The following PTPRD variants were observed in gnomAD, a reference collection of about 807,000 sequenced individuals.
The protein encoded by PTPRD is receptor-type tyrosine-protein phosphatase delta.
Under a neutral mutation model 214.5 loss-of-function variants are expected in PTPRD, and 34 were observed. The observed-to-expected ratio is 0.16, with a 90% confidence interval of 0.12 to 0.21. The LOEUF is 0.21. PTPRD is among the 10% of genes least tolerant of loss of function. The pLI is 1.00. For missense variants in PTPRD, 2,545 were observed against 2,398.7 expected, an observed-to-expected ratio of 1.06 and a Z score of -1.27; for synonymous variants, 1,128 against 845.7, an observed-to-expected ratio of 1.33 and a Z score of -5.79.
At chr9:9,912,827 A>C (rs10816229) in intron 5 of PTPRD, among the ~76,000 whole-genome samples, 106,509 of 152,084 alleles carry the variant, frequency 0.7, 38,794 homozygotes, top group Non-Finnish European at 0.82. Context: ...CACTGAGAAT[A>C]TTGCAAGAGT....
chr9:10,408,499 A>G (rs942676495), intron 2 of PTPRD, among the ~76,000 whole-genome samples: 18 of 151,700 alleles, frequency 1.2e-4, no homozygotes, highest in Non-Finnish European at 2.7e-4. Context: ...CCAGCTAGGA[A>G]TTAAGGCTAG....
intron 3 of PTPRD, among the ~76,000 whole-genome samples, chr9:10,221,280 T>C (rs929354860): frequency 6.6e-6 from 1 of 152,044 alleles, no homozygotes; most frequent in Non-Finnish European, 1.5e-5. Flanking sequence ...AACATATTCA[T>C]GCTCACGTGC....
At chr9:10,202,163 T>C in intron 3 of PTPRD, among the ~76,000 whole-genome samples, 1 of 152,118 alleles carries the variant, frequency 6.6e-6, no homozygotes, top group East Asian at 1.9e-4. Flanking sequence ...CAAAGGAATT[T>C]AGTAAAATAT....
intron 3 of PTPRD, among the ~76,000 whole-genome samples, chr9:10,240,717 A>G (rs1486642828): frequency 6.6e-6 from 1 of 151,966 alleles, no homozygotes; most frequent in Non-Finnish European, 1.5e-5. Flanking sequence ...ATAGGTCAAT[A>G]ACCCCTAACA....
intron 11 of PTPRD, among the ~76,000 whole-genome samples, chr9:8,752,560 G>A (rs947426718): frequency 2.6e-5 from 4 of 151,970 alleles, no homozygotes; most frequent in African/African-American, 7.3e-5. Context: ...CTATGGACTC[G>A]CCCTCAATTC....
At chr9:9,602,131 C>T (rs1018330306) in intron 7 of PTPRD, among the ~76,000 whole-genome samples, 1 of 151,938 alleles carries the variant, frequency 6.6e-6, no homozygotes, top group Non-Finnish European at 1.5e-5. Context: ...AAGCAGACAA[C>T]ATTGTTCACT....
intron 12 of PTPRD, among the ~76,000 whole-genome samples, chr9:8,725,496 C>A (rs1268533804): frequency 6.6e-6 from 1 of 151,950 alleles, no homozygotes; most frequent in South Asian, 2.1e-4. Flanking sequence ...TATAAATATA[C>A]ATATTTACAT....
chr9:9,790,178 G>A (rs1261742882), intron 5 of PTPRD, among the ~76,000 whole-genome samples: 2 of 152,026 alleles, frequency 1.3e-5, no homozygotes, highest in Non-Finnish European at 2.9e-5. Flanking sequence ...CCCAAGTCTC[G>A]AGTTTCATAG....
chr9:10,191,826 G>C (rs2099364872), intron 3 of PTPRD, among the ~76,000 whole-genome samples: 1 of 152,024 alleles, frequency 6.6e-6, no homozygotes, highest in Non-Finnish European at 1.5e-5. Flanking sequence ...TTAGCTATTT[G>C]CTTATTTTTC....
intron 5 of PTPRD, among the ~76,000 whole-genome samples, chr9:9,772,592 C>G (rs1175090507): frequency 7.0e-6 from 1 of 143,358 alleles, no homozygotes; most frequent in Non-Finnish European, 1.5e-5. Context: ...CCTTCTAAAG[C>G]AATCTATTGA....
chr9:9,422,145 C>T (rs939079220), intron 8 of PTPRD, among the ~76,000 whole-genome samples: 2 of 151,966 alleles, frequency 1.3e-5, no homozygotes, highest in African/African-American at 4.8e-5. Flanking sequence ...TTGTATGCAT[C>T]GCTTTGTTCA....
chr9:8,545,530 G>C (rs1369580372), intron 14 of PTPRD, among the ~76,000 whole-genome samples: 6 of 152,194 alleles, frequency 3.9e-5, no homozygotes, highest in Non-Finnish European at 1.5e-5. Flanking sequence ...TCCTAGAACA[G>C]AGTCAACTAT....
At chr9:8,774,558 G>T (rs2095388277) in intron 11 of PTPRD, among the ~76,000 whole-genome samples, 1 of 86,074 alleles carries the variant, frequency 1.2e-5, no homozygotes. Context: ...TTTTGAAACG[G>T]AGTTTTGCTC....
At chr9:9,123,016 T>C (rs1485482910) in intron 10 of PTPRD, among the ~76,000 whole-genome samples, 1 of 152,190 alleles carries the variant, frequency 6.6e-6, no homozygotes, top group African/African-American at 2.4e-5. Flanking sequence ...TTTTTGTTGT[T>C]GTTGTTGTTG....
intron 11 of PTPRD, among the ~76,000 whole-genome samples, chr9:8,990,509 C>G (rs1315505657): frequency 6.6e-6 from 1 of 152,166 alleles, no homozygotes; most frequent in Non-Finnish European, 1.5e-5. Context: ...AGCTCTTTCT[C>G]TCTGACCCTC....
chr9:9,426,295 G>A (rs576892367), intron 8 of PTPRD, among the ~76,000 whole-genome samples: 1 of 152,324 alleles, frequency 6.6e-6, no homozygotes, highest in South Asian at 2.1e-4. Context: ...CACGCCCATG[G>A]AGCCCTGCTC....
At chr9:9,755,576 G>T (rs541991242) in intron 6 of PTPRD, among the ~76,000 whole-genome samples, 6 of 152,114 alleles carry the variant, frequency 3.9e-5, no homozygotes, top group African/African-American at 1.4e-4. Flanking sequence ...AAGAAAAATT[G>T]GGTAAAATAA....
intron 14 of PTPRD, among the ~76,000 whole-genome samples, chr9:8,621,705 C>T (rs1345265963): frequency 6.6e-6 from 1 of 151,584 alleles, no homozygotes; most frequent in Admixed American, 6.6e-5. Context: ...TTAATGGGAC[C>T]CATAGTAAGT....
intron 4 of PTPRD, among the ~76,000 whole-genome samples, chr9:9,944,667 C>G (rs1362092390): frequency 1.3e-5 from 2 of 151,440 alleles, no homozygotes; most frequent in African/African-American, 4.8e-5. Context: ...AGAGAGCATA[C>G]ATAGATTGCT....
Sources: gnomAD v4.1 joint callset for allele counts (sites outside exome capture counted in the v4.1 genomes callset) on GRCh38, gnomAD v4.1.1 for gene constraint, MANE v1.5 for transcripts, NCBI Gene and HGNC (gene_info 2026-07-23, HGNC 2026-07-21) for gene names.